Variants in PPP3CA observed in about 807,000 individuals in gnomAD.
The protein encoded by PPP3CA is CAM-PRP catalytic subunit.
Under a neutral mutation model 66.5 loss-of-function variants are expected in PPP3CA, and 14 were observed. The ratio of observed to expected loss-of-function variants is 0.21; its 90% CI spans 0.14 to 0.33. The LOEUF (loss-of-function observed/expected upper bound fraction) is 0.33, where lower values mean the gene tolerates loss of function less well. PPP3CA is among the 10% of genes least tolerant of loss of function. PPP3CA has a pLI of 1.00. For missense variants in PPP3CA, 317 were observed against 639.5 expected, an observed-to-expected ratio of 0.50 and a Z score of 5.44; for synonymous variants, 232 against 226.2, an observed-to-expected ratio of 1.03 and a Z score of -0.23.
At chr4:101,109,656 CAAAAA>C (rs33932766) in intron 2 of PPP3CA, among the ~76,000 whole-genome samples, 2 of 103,958 alleles carry the variant, frequency 1.9e-5, no homozygotes, top group Admixed American at 9.4e-5. Flanking sequence ...ACCACTAAGG[CAAAAA>C]AAAAAAAAAA....
rs114595456 is a variant in PPP3CA, at chr4:101,183,447, C to T, written c.259+12469G>A. ...GAAATTTAGTCTTCAGCTGAGTGGC[C>T]ATGTGTACCACTTAGAAAGAATAGA... On this transcript the variant is annotated intron_variant, in intron 2 of 13. Coordinates refer to ENST00000394854, the MANE Select transcript of PPP3CA (RefSeq NM_000944.5). Among the ~76,000 whole-genome samples the T allele has an allele frequency of 8.2e-3, 1,245 of 152,184 alleles. 16 individuals are homozygous for T. Among genetic ancestry groups the T allele is most frequent in the African/African-American group, 0.029 (1,197 of 41,528 alleles).
At chr4:101,312,242 T>C (rs1728744612) in intron 1 of PPP3CA, among the ~76,000 whole-genome samples, 1 of 152,158 alleles carries the variant, frequency 6.6e-6, no homozygotes, top group Non-Finnish European at 1.5e-5. Flanking sequence ...ATCATTAAAA[T>C]ATATTCAATT....
chr4:101,170,059 T>C (rs546838990), intron 2 of PPP3CA, among the ~76,000 whole-genome samples: 2 of 152,168 alleles, frequency 1.3e-5, no homozygotes, highest in Non-Finnish European at 2.9e-5. Context: ...ATTTATTTGC[T>C]AGCATTTGCT....
intron 1 of PPP3CA, among the ~76,000 whole-genome samples, chr4:101,304,381 G>A (rs182871696): frequency 6.6e-6 from 1 of 152,158 alleles, no homozygotes; most frequent in East Asian, 1.9e-4. Flanking sequence ...ACTATGTACT[G>A]GAACCTGTTT....
chr4:101,151,652 C>CATT (rs1553928969), intron 2 of PPP3CA, among the ~76,000 whole-genome samples: 1 of 84,812 alleles, frequency 1.2e-5, no homozygotes, highest in African/African-American at 4.8e-5. Context: ...CCAAGGTTTC[C>CATT]TTTTTTTTTT....
In PPP3CA at chr4:101,167,657, G is replaced by A. The variant is rs74356696; in HGVS notation, c.259+28259C>T. On this transcript the variant is annotated intron_variant, in intron 2 of 13. Coordinates refer to ENST00000394854, the MANE Select transcript of PPP3CA (RefSeq NM_000944.5). ...GGGTGATAACAAGCACCTGGGAAGTGGTGAGGGTTGGGGGACACAGCTATC... is the reference window on the plus strand; with the variant it reads ...GGGTGATAACAAGCACCTGGGAAGTAGTGAGGGTTGGGGGACACAGCTATC... Among the ~76,000 whole-genome samples, 849 of 152,282 alleles carry A rather than the reference G, an allele frequency of 5.6e-3. 21 individuals are homozygous for A. In the East Asian group the frequency reaches 0.084, roughly 15 times the overall value.
At chr4:101,129,360 G>C (rs189713120) in intron 2 of PPP3CA, among the ~76,000 whole-genome samples, 6 of 152,314 alleles carry the variant, frequency 3.9e-5, no homozygotes, top group African/African-American at 1.4e-4. Context: ...GCTCTGAAGA[G>C]AGCAGCAGAT....
chr4:101,326,368 T>C (rs1458210995), intron 1 of PPP3CA, among the ~76,000 whole-genome samples: 1 of 152,212 alleles, frequency 6.6e-6, no homozygotes, highest in African/African-American at 2.4e-5. Flanking sequence ...GATTTCCATA[T>C]TAACCTCCTC....
At chr4:101,080,041 T>C (rs973253616) in intron 8 of PPP3CA, among the ~76,000 whole-genome samples, 12 of 152,204 alleles carry the variant, frequency 7.9e-5, no homozygotes, top group African/African-American at 2.9e-4. Context: ...GTTTACTTTT[T>C]TTTGCTTTTT....
rs1271750051 is a variant in PPP3CA, at chr4:101,093,793, C to A, written c.765G>T (p.Gly255=). Residue 255 remains glycine (G), a synonymous_variant, in exon 6 of 14, where the codon GGG becomes GGT. Coordinates refer to ENST00000394854, the MANE Select transcript of PPP3CA (RefSeq NM_000944.5). ...QEHFTHNTVR[G]CSYFYSYPAV... is the part of the protein sequence containing the mutation. ...ATTCTTACCTGTAGAAGTATGAACACCCCCTGACTGTGTTGTGAGTGAAAT... is the reference window on the plus strand; with the variant it reads ...ATTCTTACCTGTAGAAGTATGAACAACCCCTGACTGTGTTGTGAGTGAAAT... 1.2e-6 allele frequency: 2 copies of A among 1,612,104 alleles called. No individual in the cohort carries two copies. Among genetic ancestry groups the A allele is most frequent in the East Asian group, 2.2e-5 (1 of 44,802 alleles).
intron 1 of PPP3CA, among the ~76,000 whole-genome samples, chr4:101,259,665 A>T (rs1055495628): frequency 2.0e-5 from 3 of 152,188 alleles, no homozygotes; most frequent in Admixed American, 1.3e-4. Context: ...TGAAATCATT[A>T]TGTTCAGGAA....
intron 2 of PPP3CA, among the ~76,000 whole-genome samples, chr4:101,169,831 T>G (rs1365549215): frequency 6.6e-6 from 1 of 152,102 alleles, no homozygotes; most frequent in Non-Finnish European, 1.5e-5. Context: ...TCAGAAATAA[T>G]TTACAAACCA....
intron 1 of PPP3CA, among the ~76,000 whole-genome samples, chr4:101,333,840 C>T (rs17031176): frequency 0.11 from 16,154 of 152,116 alleles, 2,917 homozygotes; most frequent in African/African-American, 0.37. Flanking sequence ...TAGGATGTAG[C>T]CCCTTCTGCT....
In PPP3CA at chr4:101,040,532, C is replaced by T; in HGVS notation, c.1191G>A (p.Arg397=). Residue 397 remains arginine, a synonymous_variant, in exon 11 of 14, where the codon AGG becomes AGA. Coordinates refer to ENST00000394854, the MANE Select transcript of PPP3CA (RefSeq NM_000944.5). The part of the protein sequence containing the change: ...ATAAARKEVI[R]NKIRAIGKMA... ...TTTTGCCTATTGCTCGGATCTTGTT[C>T]CTTATCACCTCTTTCCGGGCTGCAG... 1 of 1,613,530 alleles carries T rather than the reference C, an allele frequency of 6.2e-7. No individual in the cohort carries two copies. Among genetic ancestry groups the T allele is most frequent in the Admixed American group, 1.7e-5 (1 of 59,768 alleles).
chr4:101,076,463 A>G (rs930325521), intron 8 of PPP3CA, among the ~76,000 whole-genome samples: 3 of 152,234 alleles, frequency 2.0e-5, no homozygotes, highest in Admixed American at 2.0e-4. Context: ...AAAAGCTAAC[A>G]AGAAAAACGT....
Position 101,080,607 on chromosome 4 carries a change from T to C in PPP3CA, c.880A>G (p.Ser294Gly). The C allele has an allele frequency of 6.5e-7, 1 of 1,531,584 alleles. No homozygotes were observed. Among genetic ancestry groups the C allele is most frequent in the Non-Finnish European group, 8.9e-7 (1 of 1,127,132 alleles). 94.9% of individuals were successfully genotyped at this position (1,531,584 alleles called of 1,614,324 possible). The part of the protein sequence containing the change: ...QDAGYRMYRK[S>G]QTTGFPSLIT... Reference sequence around the variant, plus strand: ...AGAGAAGGGAAGCCTGTTGTTTGGCTTTTCCTGTACATGCGGTACCTAAAA... The same window carrying C: ...AGAGAAGGGAAGCCTGTTGTTTGGCCTTTCCTGTACATGCGGTACCTAAAA... Residue 294 changes from serine (S) to glycine (G), a missense_variant, in exon 8 of 14, where the codon AGC (serine) becomes GGC (glycine). Coordinates refer to ENST00000394854, the MANE Select transcript of PPP3CA (RefSeq NM_000944.5).
At chr4:101,151,048 A>C (rs1723120250) in intron 2 of PPP3CA, among the ~76,000 whole-genome samples, 1 of 152,372 alleles carries the variant, frequency 6.6e-6, no homozygotes. Context: ...TAAGTTCATA[A>C]GAAGACTTTA....
intron 7 of PPP3CA, among the ~76,000 whole-genome samples, chr4:101,081,692 T>A (rs757740370): frequency 1.3e-5 from 2 of 152,218 alleles, no homozygotes; most frequent in Admixed American, 6.5e-5. Context: ...TTTAGATAGA[T>A]AAACAGCCAC....
chr4:101,323,834 C>T (rs1259938255), intron 1 of PPP3CA, among the ~76,000 whole-genome samples: 1 of 152,078 alleles, frequency 6.6e-6, no homozygotes, highest in Non-Finnish European at 1.5e-5. Flanking sequence ...AGGCACAAGG[C>T]CGGGCATGGT....
Sources: allele counts gnomAD v4.1 joint callset (sites outside exome capture counted in the v4.1 genomes callset), GRCh38; gene constraint gnomAD v4.1.1; transcripts MANE v1.5; gene names NCBI Gene and HGNC (gene_info 2026-07-23, HGNC 2026-07-21).